The following KCNU1 variants were observed in gnomAD, a reference collection of about 807,000 sequenced individuals.
KCNU1 encodes potassium channel subfamily U member 1.
KCNU1 carries 93 observed loss-of-function variants against 126.8 expected under a neutral mutation model. That is an observed-to-expected ratio of 0.73 (90% CI 0.62 to 0.87). The LOEUF is 0.87. Ranked by LOEUF, KCNU1 falls within the 40% of genes least tolerant of loss-of-function variation. The pLI is 0.00. For missense variants in KCNU1, 1,330 were observed against 1,367.1 expected (o/e 0.97, Z 0.43); for synonymous variants, 523 against 494.2 (o/e 1.06, Z -0.77).
intron 18 of KCNU1, among the ~76,000 whole-genome samples, chr8:36,862,382 C>A (rs561460067): frequency 1.3e-5 from 2 of 151,980 alleles, no homozygotes; most frequent in Non-Finnish European, 2.9e-5. Flanking sequence ...CTTTGTCTGC[C>A]TTATCTTGCA....
At chr8:36,840,680 C>A in intron 15 of KCNU1, 105 bp downstream of exon 15, 1 of 758,484 alleles carries the variant, frequency 1.3e-6, no homozygotes, top group Non-Finnish European at 2.2e-6. Flanking sequence ...AACTGAAGAT[C>A]TAAGAAGGGA....
chr8:36,813,439 AG>A (rs1275481197), intron 7 of KCNU1, among the ~76,000 whole-genome samples: 3 of 151,800 alleles, frequency 2.0e-5, no homozygotes, highest in Admixed American at 1.3e-4. Context: ...AAGGTCTAAA[AG>A]AAAAAACAAA....
At position 36,804,181 on chromosome 8, in the gene KCNU1, T is replaced by C. The variant is rs1803414906; in HGVS notation, c.377+93T>C. Reference sequence around the variant, plus strand: ...TCCTCAGGAATAATGCTTAATATACTTTCACACACACATGCACGCACACAC... The same window carrying C: ...TCCTCAGGAATAATGCTTAATATACCTTCACACACACATGCACGCACACAC... On this transcript the variant is annotated intron_variant, in intron 3 of 26. Transcript: ENST00000399881. 3.8e-6 allele frequency: 3 copies of C among 797,432 alleles called. No individual in the cohort carries two copies. In the South Asian group the frequency reaches 4.5e-5, roughly 12 times the overall value. 49.4% of individuals were successfully genotyped at this position (797,432 alleles called of 1,614,324 possible).
chr8:36,806,503 CT>C (rs1803508370), intron 5 of KCNU1, 123 bp downstream of exon 5: 1 of 613,278 alleles, frequency 1.6e-6, no homozygotes, highest in African/African-American at 1.9e-5. Context: ...AACCTCTCAC[CT>C]TAATAGTATG....
chr8:36,935,472 C>T, intron 26 of KCNU1, 43 bp from the exon 27 acceptor site: 2 of 1,511,064 alleles, frequency 1.3e-6, no homozygotes, highest in Non-Finnish European at 8.9e-7. Flanking sequence ...GCCACACTGG[C>T]CAGCTGCAGA....
chr8:36,889,366 G>T (rs755574057), intron 19 of KCNU1: 4 of 425,248 alleles, frequency 9.4e-6, no homozygotes, highest in Non-Finnish European at 1.9e-5. Context: ...GCTGCCACTT[G>T]TCATCAACAC....
At chr8:36,901,080 AG>A (rs200472912) in intron 19 of KCNU1, among the ~76,000 whole-genome samples, 126 of 152,070 alleles carry the variant, frequency 8.3e-4, no homozygotes, top group East Asian at 4.5e-3. Context: ...GAAAAAAAAA[AG>A]GGAATTGTAG....
chr8:36,851,376 T>C (rs1805339166), intron 18 of KCNU1, among the ~76,000 whole-genome samples: 1 of 141,962 alleles, frequency 7.0e-6, no homozygotes, highest in Admixed American at 6.9e-5. Flanking sequence ...ACTTCCCTTC[T>C]CTCTCTCTCT....
intron 2 of KCNU1, among the ~76,000 whole-genome samples, chr8:36,802,147 G>C (rs1215849515): frequency 1.4e-5 from 2 of 142,312 alleles, no homozygotes; most frequent in Non-Finnish European, 3.0e-5. Flanking sequence ...CTTACGATAA[G>C]AGCTGAGACC....
chr8:36,848,413 T>A (rs910668749), intron 18 of KCNU1, among the ~76,000 whole-genome samples: 1 of 152,228 alleles, frequency 6.6e-6, no homozygotes, highest in African/African-American at 2.4e-5. Flanking sequence ...TTTGTAGTTT[T>A]GGGTGTTCCA....
At chr8:36,885,464 A>C (rs941565197) in intron 19 of KCNU1, among the ~76,000 whole-genome samples, 2 of 152,140 alleles carry the variant, frequency 1.3e-5, no homozygotes, top group South Asian at 4.1e-4. Flanking sequence ...CTGAAGCAGG[A>C]GAATCGCTTA....
intron 18 of KCNU1, among the ~76,000 whole-genome samples, chr8:36,857,637 TTTG>T (rs1805575963): frequency 6.6e-6 from 1 of 151,842 alleles, no homozygotes; most frequent in South Asian, 2.1e-4. Flanking sequence ...TTTTTGTTTT[TTTG>T]TTTTTGTTTT....
intron 19 of KCNU1, among the ~76,000 whole-genome samples, chr8:36,868,282 T>C (rs762652154): frequency 6.6e-6 from 1 of 152,098 alleles, no homozygotes; most frequent in Admixed American, 6.6e-5. Context: ...AGCTAGCAAA[T>C]TGGCAACATA....
At chr8:36,833,149 T>C (rs968729695) in intron 10 of KCNU1, among the ~76,000 whole-genome samples, 1 of 152,166 alleles carries the variant, frequency 6.6e-6, no homozygotes, top group Non-Finnish European at 1.5e-5. Context: ...TCAGAATTTA[T>C]AAATATTAAA....
intron 7 of KCNU1, among the ~76,000 whole-genome samples, chr8:36,809,874 T>A (rs1803645889): frequency 6.6e-6 from 1 of 152,228 alleles, no homozygotes; most frequent in South Asian, 2.1e-4. Flanking sequence ...GACCTAATTA[T>A]GTTTTCACTT....
chr8:36,863,067 C>T (rs1043151417), intron 18 of KCNU1, among the ~76,000 whole-genome samples: 3 of 152,168 alleles, frequency 2.0e-5, no homozygotes, highest in Non-Finnish European at 4.4e-5. Flanking sequence ...CATCTCTTAG[C>T]ACACCTGGCT....
intron 8 of KCNU1, 39 bp from the exon 9 acceptor site, chr8:36,815,557 T>G: frequency 1.8e-6 from 2 of 1,083,442 alleles, no homozygotes; most frequent in Non-Finnish European, 2.7e-6. Context: ...TCCATCAAAA[T>G]AATGAGAACT....
At chr8:36,788,062 T>G (rs935631615) in intron 2 of KCNU1, among the ~76,000 whole-genome samples, 1 of 152,072 alleles carries the variant, frequency 6.6e-6, no homozygotes, top group Non-Finnish European at 1.5e-5. Flanking sequence ...GTATAGCTAG[T>G]TTCCTCTCCT....
Position 36,817,671 on chromosome 8 carries a change from C to T in KCNU1, c.1017C>T (p.Asn339=), listed in dbSNP as rs1374020133. ...CTAGGTTTATTGTGGTCTGTGGAAA[C>T]ATCACTGTGGACAGTGTGACCGCTT... The part of the protein sequence containing the change: ...KGKKFIVVCG[N]ITVDSVTAFL... The change falls in exon 10 of 27, where the codon AAC becomes AAT. Residue 339 remains asparagine, a synonymous_variant. Transcript: ENST00000399881. The T allele has an allele frequency of 1.2e-6, 2 of 1,610,572 alleles. No individual in the cohort carries two copies. The highest frequency in any genetic ancestry group is 3.3e-5 in the Admixed American group (2 of 60,000).
Sources: allele counts gnomAD v4.1 joint callset (sites outside exome capture counted in the v4.1 genomes callset), GRCh38; gene constraint gnomAD v4.1.1; transcripts MANE v1.5; gene names NCBI Gene and HGNC (gene_info 2026-07-23, HGNC 2026-07-21).